The following XIRP2 variants were observed in gnomAD, a reference collection of about 807,000 sequenced individuals.
The protein encoded by XIRP2 is xin actin-binding repeat-containing protein 2.
A neutral mutation model predicts 277.0 loss-of-function variants in XIRP2; 236 were observed. The ratio of observed to expected loss-of-function variants is 0.85; its 90% confidence interval spans 0.77 to 0.95. The LOEUF (loss-of-function observed/expected upper bound fraction) is 0.95, where lower values mean the gene tolerates loss of function less well. Ranked by LOEUF, XIRP2 falls within the 40% of genes least tolerant of loss-of-function variation. The pLI, the probability that XIRP2 is intolerant of heterozygous loss-of-function variation, is 0.00. For missense variants in XIRP2, 4,640 were observed against 4,157.5 expected, an observed-to-expected ratio of 1.12 and a Z score of -3.19; for synonymous variants, 1,490 against 1,416.5, an observed-to-expected ratio of 1.05 and a Z score of -1.17.
At chr2:167,111,783 T>C (rs1370741615) in intron 2 of XIRP2, among the ~76,000 whole-genome samples, 1 of 152,186 alleles carries the variant, frequency 6.6e-6, no homozygotes, top group Non-Finnish European at 1.5e-5. Context: ...AATTCAGGTA[T>C]AAATTCATCT....
chr2:167,155,224 G>T (rs1692150010), intron 3 of XIRP2, among the ~76,000 whole-genome samples: 1 of 151,474 alleles, frequency 6.6e-6, no homozygotes, highest in Non-Finnish European at 1.5e-5. Flanking sequence ...GAAAAAGAGG[G>T]AATCCTCCCT....
intron 1 of XIRP2, among the ~76,000 whole-genome samples, chr2:166,895,076 G>A (rs985699059): frequency 6.6e-6 from 1 of 152,098 alleles, no homozygotes; most frequent in Non-Finnish European, 1.5e-5. Flanking sequence ...AGGACACAGT[G>A]ATTAAATCCT....
At chr2:167,227,864 C>T (rs1365590939) in intron 5 of XIRP2, among the ~76,000 whole-genome samples, 1 of 151,946 alleles carries the variant, frequency 6.6e-6, no homozygotes, top group African/African-American at 2.4e-5. Context: ...AAGACTGAAA[C>T]TTTACTTCAT....
intron 2 of XIRP2, among the ~76,000 whole-genome samples, chr2:167,029,609 A>G (rs937018441): frequency 7.9e-5 from 12 of 152,100 alleles, no homozygotes; most frequent in African/African-American, 2.9e-4. Flanking sequence ...TCAGTTTGCC[A>G]GTATTTTATT....
chr2:166,930,273 A>G (rs1169181647), intron 2 of XIRP2, among the ~76,000 whole-genome samples: 1 of 152,140 alleles, frequency 6.6e-6, no homozygotes, highest in Non-Finnish European at 1.5e-5. Flanking sequence ...ACAACATCAA[A>G]CATATGATTT....
intron 2 of XIRP2, among the ~76,000 whole-genome samples, chr2:166,979,477 T>C (rs955324767): frequency 7.9e-5 from 12 of 151,242 alleles, no homozygotes; most frequent in Non-Finnish European, 1.5e-4. Flanking sequence ...GAGAAAGCAT[T>C]CAATATATCA....
intron 2 of XIRP2, among the ~76,000 whole-genome samples, chr2:167,035,286 C>T (rs991613641): frequency 1.4e-4 from 21 of 152,108 alleles, no homozygotes; most frequent in African/African-American, 5.1e-4. Flanking sequence ...CAGAAGATGA[C>T]AGGAAAATGT....
intron 5 of XIRP2, among the ~76,000 whole-genome samples, chr2:167,232,258 G>T (rs1451383508): frequency 6.6e-6 from 1 of 151,936 alleles, no homozygotes; most frequent in Admixed American, 6.6e-5. Flanking sequence ...CTAGGTATGA[G>T]TTCATGAAAG....
At chr2:167,111,830 C>T (rs1361662372) in intron 2 of XIRP2, among the ~76,000 whole-genome samples, 4 of 151,962 alleles carry the variant, frequency 2.6e-5, no homozygotes, top group African/African-American at 9.7e-5. Context: ...CTTTTTACTA[C>T]TACTTCAATG....
Position 167,136,041 on chromosome 2 carries a change from G to A in XIRP2, c.541G>A (p.Gly181Ser), listed in dbSNP as rs1296584563. Reference sequence around the variant, plus strand: ...TTTTGACAAGATGTCACCTGAAAGTGGTCACAGCCGCATCTTTGAAGGTTA... The same window carrying A: ...TTTTGACAAGATGTCACCTGAAAGTAGTCACAGCCGCATCTTTGAAGGTTA... ...TSFDKMSPES[G>S]HSRIFEATAG... is the part of the protein sequence containing the mutation. The change falls in exon 3 of 11, where the codon GGT (glycine) becomes AGT (serine). Residue 181 changes from glycine to serine, a missense_variant. Gly to Ser is a moderately conservative substitution (Grantham distance 56, BLOSUM62 0). Coordinates refer to ENST00000409195, the MANE Select transcript of XIRP2 (RefSeq NM_152381.6). 6.2e-7 allele frequency: 1 copy of A among 1,604,266 alleles called. No individual in the cohort carries two copies. The highest frequency in any genetic ancestry group is 8.5e-7 in the Non-Finnish European group (1 of 1,176,032).
intron 2 of XIRP2, among the ~76,000 whole-genome samples, chr2:167,086,014 G>T (rs1281525640): frequency 1.3e-5 from 2 of 151,810 alleles, no homozygotes; most frequent in East Asian, 1.9e-4. Context: ...TTGCTCGTTA[G>T]TTGATGCAGT....
intron 3 of XIRP2, among the ~76,000 whole-genome samples, chr2:167,194,287 G>A (rs1693436757): frequency 6.6e-6 from 1 of 151,800 alleles, no homozygotes; most frequent in Admixed American, 6.6e-5. Context: ...CACCATGTCG[G>A]GCAGGCTAGT....
chr2:167,093,683 A>G (rs112869714), intron 2 of XIRP2, among the ~76,000 whole-genome samples: 4,791 of 152,218 alleles, frequency 0.031, 105 homozygotes, highest in East Asian at 0.05. Flanking sequence ...TCCATGGTGT[A>G]TATGTGCCAC....
intron 9 of XIRP2, among the ~76,000 whole-genome samples, chr2:167,253,745 A>G (rs1222292970): frequency 5.9e-5 from 9 of 151,840 alleles, no homozygotes. Context: ...TAATGTACTT[A>G]TATGTCTAAT....
At chr2:167,022,563 A>AGCATTAGG in intron 2 of XIRP2, among the ~76,000 whole-genome samples, 1 of 152,056 alleles carries the variant, frequency 6.6e-6, no homozygotes. Context: ...CTCGTCATTT[A>AGCATTAGG]GCATTAGGTA....
intron 2 of XIRP2, among the ~76,000 whole-genome samples, chr2:166,906,808 A>G (rs1362910831): frequency 6.6e-6 from 1 of 152,040 alleles, no homozygotes; most frequent in Non-Finnish European, 1.5e-5. Context: ...ATATTTAAAA[A>G]CTAGCTGGCT....
intron 2 of XIRP2, among the ~76,000 whole-genome samples, chr2:167,110,303 T>C (rs902843136): frequency 3.9e-5 from 6 of 152,210 alleles, no homozygotes; most frequent in Non-Finnish European, 4.4e-5. Context: ...TAGTTTTAAG[T>C]TTTACATTAA....
chr2:166,915,615 G>A (rs1258240172), intron 2 of XIRP2, among the ~76,000 whole-genome samples: 4 of 152,076 alleles, frequency 2.6e-5, no homozygotes, highest in Admixed American at 6.5e-5. Context: ...AATCCTTTCA[G>A]CCTCCTGTAT....
chr2:167,165,092 G>A (rs370335184), intron 3 of XIRP2, among the ~76,000 whole-genome samples: 2 of 152,030 alleles, frequency 1.3e-5, no homozygotes, highest in Non-Finnish European at 2.9e-5. Flanking sequence ...AGTTGGAATC[G>A]TACAAAAGGT....
Sources: gnomAD v4.1 joint callset for allele counts (sites outside exome capture counted in the v4.1 genomes callset) on GRCh38, gnomAD v4.1.1 for gene constraint, MANE v1.5 for transcripts, NCBI Gene and HGNC (gene_info 2026-07-23, HGNC 2026-07-21) for gene names.